SHANK2: variants seen among roughly 807,000 people sequenced by gnomAD.
SHANK2 encodes the protein SH3 and multiple ankyrin repeat domains protein 2.
In SHANK2, 43 loss-of-function variants were observed where a neutral mutation model predicts 133.7. The ratio of observed to expected loss-of-function variants is 0.32; its 90% CI spans 0.25 to 0.41. The LOEUF (loss-of-function observed/expected upper bound fraction) is 0.41. SHANK2 is among the 10% of genes least tolerant of loss of function. The probability of loss-of-function intolerance (pLI) is 1.00; values close to 1 mark genes in which losing one functional copy is unlikely to be tolerated. For synonymous variants in SHANK2, 1,017 were observed against 952.8 expected (o/e 1.07, Z -1.24); for missense variants, 1,994 against 2,235.8 (o/e 0.89, Z 2.18).
chr11:71,073,146 TCTTTTTTTTCTTTTTTTTC>T (rs1951166586), intron 9 of SHANK2, among the ~76,000 whole-genome samples: 1 of 46,172 alleles, frequency 2.2e-5, no homozygotes, highest in African/African-American at 4.1e-5. Flanking sequence ...CTTTTTCTTT[TCTTTTTTTTCTTTTTTTTC>T]TTTTTTTTTT....
chr11:71,062,342 G>A (rs1950997944), intron 9 of SHANK2, among the ~76,000 whole-genome samples: 1 of 152,244 alleles, frequency 6.6e-6, no homozygotes, highest in African/African-American at 2.4e-5. Context: ...AAACGAAGAG[G>A]AGGCGGAGAG....
At position 71,188,116 on chromosome 11, in the gene SHANK2, C is replaced by T. The variant is rs1456992870; in HGVS notation, c.-13+36581G>A. On this transcript the variant is annotated intron_variant, in intron 2 of 25. Coordinates refer to ENST00000601538, the MANE Select transcript of SHANK2 (RefSeq NM_012309.5). The surrounding 1 kb of genome is among the most constrained non-coding windows in gnomAD (Gnocchi z 4.6). ...ACACATCTGCTCCTCCCATTAGAAACTGAGACATCACCGGAGACGTTTCCC... is the reference window on the plus strand; with the variant it reads ...ACACATCTGCTCCTCCCATTAGAAATTGAGACATCACCGGAGACGTTTCCC... Among the ~76,000 whole-genome samples the T allele has an allele frequency of 6.6e-6, 1 of 152,184 alleles. No homozygotes were observed. Among genetic ancestry groups the T allele is most frequent in the Non-Finnish European group, 1.5e-5 (1 of 68,042 alleles).
chr11:71,181,787 C>T (rs1011243848), intron 2 of SHANK2, among the ~76,000 whole-genome samples: 1 of 152,178 alleles, frequency 6.6e-6, no homozygotes, highest in African/African-American at 2.4e-5. Flanking sequence ...GCCGTCAGAG[C>T]CACCTGTGGA....
chr11:71,233,725 G>A (rs537605811), intron 1 of SHANK2, among the ~76,000 whole-genome samples: 38 of 152,292 alleles, frequency 2.5e-4, no homozygotes, highest in African/African-American at 8.7e-4. Context: ...CCCCAGTAGC[G>A]AATAACTGAA....
intron 17 of SHANK2, among the ~76,000 whole-genome samples, chr11:70,574,554 C>T (rs1200630268): frequency 6.6e-6 from 1 of 152,212 alleles, no homozygotes; most frequent in Non-Finnish European, 1.5e-5. Context: ...TGCACTTTGC[C>T]AGGGGACTTC....
intron 15 of SHANK2, among the ~76,000 whole-genome samples, chr11:70,671,798 T>G: frequency 6.6e-6 from 1 of 152,132 alleles, no homozygotes. Context: ...GATGCCAGGA[T>G]GCCTCCCTGT....
intron 14 of SHANK2, among the ~76,000 whole-genome samples, chr11:70,733,103 C>A (rs145787286): frequency 6.6e-6 from 1 of 152,074 alleles, no homozygotes; most frequent in Non-Finnish European, 1.5e-5. Context: ...GGATCGTCCG[C>A]GACAGAAAGA....
chr11:70,860,432 TTGTC>T (rs1380293608), intron 11 of SHANK2, among the ~76,000 whole-genome samples: 1 of 152,248 alleles, frequency 6.6e-6, no homozygotes, highest in East Asian at 1.9e-4. Context: ...AAGGTGGAAA[TTGTC>T]TGTGGAATGC....
At chr11:70,849,188 C>G (rs962907580) in intron 11 of SHANK2, among the ~76,000 whole-genome samples, 3 of 152,168 alleles carry the variant, frequency 2.0e-5, no homozygotes, top group African/African-American at 7.2e-5. Flanking sequence ...AGGATGCATA[C>G]CTGAAATTCC....
rs1953422574 is a variant in SHANK2 at position 71,175,574 on chromosome 11, G to A, written c.-12-28236C>T. ...AGGGAGAGAGAGAGAGAGAGAGAGA[G>A]AGAGAGAGAGAGAGAGAGAGAGAGA... On this transcript the variant is annotated intron_variant, in intron 2 of 25. Transcript: ENST00000601538. This position sits in a 1 kb window ranked among gnomAD's most constrained non-coding sequence, Gnocchi z 4.2. Among the ~76,000 whole-genome samples, 1 of 136,144 alleles carries A rather than the reference G, an allele frequency of 7.3e-6. No individual in the cohort carries two copies. The highest frequency in any genetic ancestry group is 2.6e-5 in the African/African-American group (1 of 38,992). 89.3% of individuals were successfully genotyped at this position (136,144 alleles called of 152,430 possible). A position where few individuals can be genotyped will look rare whatever the true frequency, so the allele number is the denominator to read the frequency against.
chr11:70,491,909 G>A (rs1215227046), intron 22 of SHANK2, among the ~76,000 whole-genome samples: 1 of 152,236 alleles, frequency 6.6e-6, no homozygotes, highest in Non-Finnish European at 1.5e-5. Context: ...GACAAGTGTT[G>A]CCCAGGATCT....
At chr11:71,157,139 C>CACAT (rs1555109216) in intron 2 of SHANK2, among the ~76,000 whole-genome samples, 7 of 152,118 alleles carry the variant, frequency 4.6e-5, no homozygotes, top group Non-Finnish European at 8.8e-5. Context: ...TATACACACA[C>CACAT]ATATATATAA....
chr11:70,822,178 G>A (rs1331490591), intron 11 of SHANK2, among the ~76,000 whole-genome samples: 3 of 152,224 alleles, frequency 2.0e-5, no homozygotes, highest in South Asian at 2.1e-4. Flanking sequence ...CGTGATAATC[G>A]TGCCTGCAGC....
At chr11:70,724,703 C>T (rs1182340671) in intron 14 of SHANK2, among the ~76,000 whole-genome samples, 1 of 152,226 alleles carries the variant, frequency 6.6e-6, no homozygotes, top group Non-Finnish European at 1.5e-5. Flanking sequence ...AGAGCTGTGT[C>T]GACACCTGCA....
intron 2 of SHANK2, among the ~76,000 whole-genome samples, chr11:71,182,052 T>C (rs1194648275): frequency 6.6e-6 from 1 of 152,090 alleles, no homozygotes; most frequent in East Asian, 1.9e-4. Context: ...ATGACAAGTG[T>C]TTTCTCTCCT....
chr11:70,643,611 T>C (rs2061218122), intron 17 of SHANK2, among the ~76,000 whole-genome samples: 1 of 147,016 alleles, frequency 6.8e-6, no homozygotes, highest in Non-Finnish European at 1.5e-5. Flanking sequence ...TATACTACAG[T>C]GGTTGGTCTG....
chr11:70,545,443 G>A (rs573726137), intron 17 of SHANK2, among the ~76,000 whole-genome samples: 12 of 152,202 alleles, frequency 7.9e-5, no homozygotes, highest in African/African-American at 2.7e-4. Flanking sequence ...CCGAGCCACC[G>A]CACGCTCTCT....
intron 10 of SHANK2, chr11:70,910,984 T>A (rs536395794): frequency 4.8e-5 from 22 of 457,022 alleles, no homozygotes; most frequent in South Asian, 3.4e-4. Context: ...TGATGATGCA[T>A]CCCTCTCTAA....
chr11:70,519,596 G>A (rs1554970663), intron 17 of SHANK2, among the ~76,000 whole-genome samples: 2 of 151,906 alleles, frequency 1.3e-5, no homozygotes, highest in East Asian at 1.9e-4. Flanking sequence ...GCCATAAGCC[G>A]AGATCGCACC....
Sources: allele counts gnomAD v4.1 joint callset (sites outside exome capture counted in the v4.1 genomes callset), GRCh38; gene constraint gnomAD v4.1.1; non-coding constraint Gnocchi (gnomAD v3.1); transcripts MANE v1.5; gene names NCBI Gene and HGNC (gene_info 2026-07-23, HGNC 2026-07-21).